Variants in FHIT observed in about 807,000 individuals in gnomAD.
FHIT encodes the protein bis(5'-adenosyl)-triphosphatase.
In FHIT, 19 loss-of-function variants were observed where a neutral mutation model predicts 17.9. The ratio of observed to expected loss-of-function variants is 1.06; its 90% CI spans 0.74 to 1.56. FHIT has a LOEUF of 1.56. Among genes scored for constraint, FHIT ranks in the 40% most tolerant of loss-of-function variants. FHIT has a pLI of 0.00. For missense variants in FHIT, 248 were observed against 189.2 expected (o/e 1.31, Z -1.82); for synonymous variants, 81 against 69.7 (o/e 1.16, Z -0.81).
intron 3 of FHIT, among the ~76,000 whole-genome samples, chr3:60,874,939 C>T (rs1488915867): frequency 2.0e-5 from 3 of 152,072 alleles, no homozygotes; most frequent in Admixed American, 6.6e-5. Flanking sequence ...TGTCTTTTGT[C>T]ACCTATAAAA....
chr3:60,752,812 C>T (rs542861786), intron 4 of FHIT, among the ~76,000 whole-genome samples: 2 of 152,236 alleles, frequency 1.3e-5, no homozygotes, highest in East Asian at 3.9e-4. Flanking sequence ...CAAAACAGAT[C>T]CCACAGAGAG....
In FHIT at chr3:60,118,200, G is replaced by C. The variant is rs182307143; in HGVS notation, c.104-104048C>G. 5.3e-5 allele frequency among the ~76,000 whole-genome samples: 8 copies of C among 152,164 alleles called. No individual in the cohort carries two copies. In the East Asian group the frequency reaches 1.4e-3, roughly 26 times the overall value. On this transcript the variant is annotated intron_variant, in intron 5 of 9. Transcript: ENST00000492590. ...TGTCTCACCGTAGCCTCCAGTTTCT[G>C]GGTTCAAGCGATCCTCCTGCTTCAG...
intron 5 of FHIT, among the ~76,000 whole-genome samples, chr3:60,038,252 G>C (rs956411020): frequency 1.3e-5 from 2 of 152,050 alleles, no homozygotes; most frequent in African/African-American, 4.8e-5. Context: ...TTATTGATCT[G>C]AATCAAATCT....
intron 2 of FHIT, among the ~76,000 whole-genome samples, chr3:61,048,774 A>G (rs1575913590): frequency 6.6e-6 from 1 of 152,170 alleles, no homozygotes; most frequent in Non-Finnish European, 1.5e-5. Context: ...GCACATATAC[A>G]CCATGGAATA....
intron 3 of FHIT, among the ~76,000 whole-genome samples, chr3:60,931,607 C>G (rs1177530532): frequency 6.6e-6 from 1 of 152,004 alleles, no homozygotes; most frequent in African/African-American, 2.4e-5. Context: ...TGTTTGTAAA[C>G]GAAACTCCAT....
chr3:60,993,294 T>C (rs1174204339), intron 3 of FHIT, among the ~76,000 whole-genome samples: 1 of 152,224 alleles, frequency 6.6e-6, no homozygotes, highest in Non-Finnish European at 1.5e-5. Context: ...CTCTGGGTAT[T>C]ACAAATCACA....
chr3:60,179,458 G>A (rs1434051696), intron 5 of FHIT, among the ~76,000 whole-genome samples: 1 of 152,148 alleles, frequency 6.6e-6, no homozygotes, highest in Non-Finnish European at 1.5e-5. Context: ...TGTCTGCTTA[G>A]TATAATGAAA....
At chr3:60,744,246 T>TAAAAAAAAAAAA (rs368982395) in intron 4 of FHIT, among the ~76,000 whole-genome samples, 3 of 30,930 alleles carry the variant, frequency 9.7e-5, no homozygotes, top group African/African-American at 1.9e-4. Context: ...GGAAGTAATG[T>TAAAAAAAAAAAA]AAAAAAAAAA....
chr3:60,959,802 T>C (rs1045571177), intron 3 of FHIT, among the ~76,000 whole-genome samples: 16 of 131,894 alleles, frequency 1.2e-4, no homozygotes, highest in Non-Finnish European at 2.1e-4. Flanking sequence ...AGGCTTTTTC[T>C]TTTTTTTTTT....
At chr3:60,259,683 G>A (rs777333995) in intron 5 of FHIT, among the ~76,000 whole-genome samples, 2 of 152,092 alleles carry the variant, frequency 1.3e-5, no homozygotes, top group South Asian at 2.1e-4. Flanking sequence ...GCCTCAGAGA[G>A]GTTAATTAAC....
chr3:60,739,098 A>G (rs1351945491), intron 4 of FHIT, among the ~76,000 whole-genome samples: 3 of 152,118 alleles, frequency 2.0e-5, no homozygotes, highest in East Asian at 1.9e-4. Context: ...CCAGGGGAAG[A>G]TCATCTTCCC....
chr3:60,359,876 C>T (rs1327492882), intron 5 of FHIT, among the ~76,000 whole-genome samples: 3 of 151,318 alleles, frequency 2.0e-5, no homozygotes, highest in African/African-American at 7.3e-5. Flanking sequence ...TAAAATCCAA[C>T]AATGATGGGA....
At chr3:60,550,977 C>G (rs1037408436) in intron 4 of FHIT, among the ~76,000 whole-genome samples, 40 of 152,192 alleles carry the variant, frequency 2.6e-4, no homozygotes, top group Non-Finnish European at 4.9e-4. Flanking sequence ...AAGTGGCTGC[C>G]TAAGTGTCAA....
intron 3 of FHIT, among the ~76,000 whole-genome samples, chr3:60,977,290 G>A (rs561641674): frequency 6.6e-6 from 1 of 152,264 alleles, no homozygotes; most frequent in East Asian, 1.9e-4. Context: ...AGCATTACCG[G>A]TGGCAAGTTC....
chr3:60,029,710 ATT>A (rs1273781853), intron 5 of FHIT, among the ~76,000 whole-genome samples: 1 of 152,206 alleles, frequency 6.6e-6, no homozygotes, highest in African/African-American at 2.4e-5. Context: ...GCCACAGTAA[ATT>A]ATGAGTATTC....
chr3:61,144,974 TC>T (rs2037185910), intron 2 of FHIT, among the ~76,000 whole-genome samples: 1 of 152,206 alleles, frequency 6.6e-6, no homozygotes, highest in Non-Finnish European at 1.5e-5. Flanking sequence ...CAAAATTTTC[TC>T]CCATCTTTGG....
At chr3:60,091,916 T>C (rs569065027) in intron 5 of FHIT, among the ~76,000 whole-genome samples, 4 of 152,216 alleles carry the variant, frequency 2.6e-5, no homozygotes, top group African/African-American at 9.6e-5. Context: ...TCTTTATAAA[T>C]TACCCAGTCT....
intron 6 of FHIT, 32 bp downstream of exon 6, chr3:60,013,975 A>G: frequency 6.2e-7 from 1 of 1,609,286 alleles, no homozygotes; most frequent in East Asian, 2.2e-5. Flanking sequence ...GAAAGGGAAG[A>G]AAAATCATTT....
chr3:59,955,158 C>CA (rs1310645902), intron 7 of FHIT, among the ~76,000 whole-genome samples: 1 of 152,164 alleles, frequency 6.6e-6, no homozygotes, highest in East Asian at 1.9e-4. Flanking sequence ...AGATCATGTA[C>CA]AAAAACAGCT....
Sources: allele counts gnomAD v4.1 joint callset (sites outside exome capture counted in the v4.1 genomes callset), GRCh38; gene constraint gnomAD v4.1.1; transcripts MANE v1.5; gene names NCBI Gene and HGNC (gene_info 2026-07-23, HGNC 2026-07-21).